Variants in CEP85L observed in about 807,000 individuals in gnomAD.
CEP85L encodes centrosomal protein 85L.
In CEP85L, 60 loss-of-function variants were observed where a neutral mutation model predicts 100.3. The ratio of observed to expected loss-of-function variants is 0.60; its 90% CI spans 0.49 to 0.74. The LOEUF is 0.74. Among genes scored for constraint, CEP85L ranks in the 30% least tolerant of loss-of-function variants. The pLI, the probability that CEP85L is intolerant of heterozygous loss-of-function variation, is 0.00. For missense variants in CEP85L, 973 were observed against 936.2 expected (o/e 1.04, Z -0.51); for synonymous variants, 319 against 322.7 (o/e 0.99, Z 0.12).
At chr6:118,628,168 T>C (rs1465156386) in intron 2 of CEP85L, among the ~76,000 whole-genome samples, 2 of 151,886 alleles carry the variant, frequency 1.3e-5, no homozygotes, top group Non-Finnish European at 2.9e-5. Flanking sequence ...CAAGGCATAC[T>C]GTAAGACAAA....
intron 5 of CEP85L, among the ~76,000 whole-genome samples, chr6:118,504,831 C>T (rs1775538923): frequency 6.6e-6 from 1 of 152,134 alleles, no homozygotes; most frequent in Admixed American, 6.5e-5. Context: ...GACAGACACC[C>T]AGATGGTGTC....
chr6:118,562,362 A>T (rs185817461), intron 3 of CEP85L, among the ~76,000 whole-genome samples: 1 of 147,944 alleles, frequency 6.8e-6, no homozygotes, highest in Non-Finnish European at 1.5e-5. Context: ...CATTTTATCA[A>T]TTTTTTTTTT....
At chr6:118,544,982 C>A (rs1160001536) in intron 3 of CEP85L, among the ~76,000 whole-genome samples, 1 of 152,110 alleles carries the variant, frequency 6.6e-6, no homozygotes, top group Non-Finnish European at 1.5e-5. Flanking sequence ...AATTATCAAA[C>A]CCTCAAGTAC....
chr6:118,636,633 C>T (rs1267552511), intron 1 of CEP85L, among the ~76,000 whole-genome samples: 2 of 149,180 alleles, frequency 1.3e-5, no homozygotes, highest in African/African-American at 2.6e-5. Context: ...TGTGGGTGGG[C>T]TTCACTGAAC....
intron 2 of CEP85L, among the ~76,000 whole-genome samples, chr6:118,585,735 C>A (rs1456054948): frequency 1.3e-5 from 2 of 152,162 alleles, no homozygotes; most frequent in African/African-American, 4.8e-5. Context: ...AAAGAACTTA[C>A]TAAAAACAAT....
At chr6:118,532,453 C>G (rs1777350713) in intron 3 of CEP85L, among the ~76,000 whole-genome samples, 3 of 152,010 alleles carry the variant, frequency 2.0e-5, no homozygotes, top group Admixed American at 2.0e-4. Flanking sequence ...TACACTAAAC[C>G]CCAGTGACAT....
chr6:118,511,690 A>T lies in CEP85L; in HGVS notation c.1140-275T>A, dbSNP rs117950443. 4.7e-3 allele frequency among the ~76,000 whole-genome samples: 717 copies of T among 152,284 alleles called. 5 individuals carry two copies. The highest frequency in any genetic ancestry group is 6.8e-3 in the Middle Eastern group (2 of 294). The stretch of plus-strand genomic sequence containing the variant: ...CATCTTCAAAAATTTATTAACTCTC[A>T]TGATGAAGTTTTGAAGGAGAGAGCT... On this transcript the variant is annotated intron_variant, in intron 4 of 12. Coordinates refer to ENST00000368491, the MANE Select transcript of CEP85L (RefSeq NM_001042475.3).
chr6:118,698,553 G>C (rs1302080495), intron 1 of CEP85L, among the ~76,000 whole-genome samples: 2 of 151,038 alleles, frequency 1.3e-5, no homozygotes, highest in African/African-American at 4.9e-5. Context: ...AAAAAAAAAG[G>C]ATTGTCCAGA....
chr6:118,672,434 C>T (rs75812099), intron 1 of CEP85L, among the ~76,000 whole-genome samples: 7,108 of 152,038 alleles, frequency 0.047, 202 homozygotes, highest in Admixed American at 0.061. Flanking sequence ...CTGTTATGGA[C>T]GATATAAAGA....
Position 118,535,724 on chromosome 6 carries a change from C to T in CEP85L, c.1021-11804G>A, listed in dbSNP as rs1320878928. Among the ~76,000 whole-genome samples, 7 of 152,260 alleles carry T rather than the reference C, an allele frequency of 4.6e-5. No individual in the cohort carries two copies. In the South Asian group the frequency reaches 1.0e-3, roughly 23 times the overall value. ...TGGTTAAAGGACCAACTCTCAGTAT[C>T]GCAGTATTTGTGTTCCAGTAATCCT... On this transcript the variant is annotated intron_variant, in intron 3 of 12. Transcript: ENST00000368491.
intron 3 of CEP85L, among the ~76,000 whole-genome samples, chr6:118,555,943 C>T (rs1001771767): frequency 6.6e-6 from 1 of 152,164 alleles, no homozygotes; most frequent in Non-Finnish European, 1.5e-5. Context: ...GGGATAATGA[C>T]CTCCAGCTCC....
rs1442763065 is a variant in CEP85L, at chr6:118,461,007, T to C, written c.*4398A>G. ...AGATCAGAAGGCATAAGCCAACCAG[T>C]GGCTTCACATTCTTTTTTTTTTTTT... is the stretch of plus-strand genomic sequence containing the variant. On this transcript the variant is annotated 3_prime_UTR_variant, in exon 13 of 13. Transcript: ENST00000368491. 1 of 151,504 alleles carries C rather than the reference T, an allele frequency of 6.6e-6. No homozygotes were observed. The highest frequency in any genetic ancestry group is 2.4e-5 in the African/African-American group (1 of 41,298). 9.4% of individuals were successfully genotyped at this position (151,504 alleles called of 1,614,324 possible). A position where few individuals can be genotyped will look rare whatever the true frequency, so the allele number is the denominator to read the frequency against.
chr6:118,538,741 G>A (rs1562241799), intron 3 of CEP85L, among the ~76,000 whole-genome samples: 1 of 151,928 alleles, frequency 6.6e-6, no homozygotes, highest in Non-Finnish European at 1.5e-5. Flanking sequence ...AACAAATGAA[G>A]CTTAAGTATT....
chr6:118,486,459 G>A (rs1000805542), intron 6 of CEP85L, among the ~76,000 whole-genome samples: 2 of 152,112 alleles, frequency 1.3e-5, no homozygotes, highest in Admixed American at 6.5e-5. Flanking sequence ...GAACTCAAAG[G>A]TAACATTATT....
At chr6:118,523,324 C>T (rs1776771860) in intron 4 of CEP85L, among the ~76,000 whole-genome samples, 1 of 152,058 alleles carries the variant, frequency 6.6e-6, no homozygotes, top group African/African-American at 2.4e-5. Context: ...CATTTTAGAA[C>T]GTCCCCCAAA....
intron 3 of CEP85L, chr6:118,559,551 T>C (rs982133014): frequency 2.1e-5 from 4 of 189,752 alleles, no homozygotes; most frequent in Admixed American, 1.6e-4. Flanking sequence ...TGAAGTGTCA[T>C]TATTCAAAAT....
At chr6:118,680,492 T>C (rs774158389) in intron 1 of CEP85L, among the ~76,000 whole-genome samples, 94 of 152,128 alleles carry the variant, frequency 6.2e-4, no homozygotes, top group Non-Finnish European at 3.5e-4. Flanking sequence ...AGGACTGACA[T>C]GTGTACTCAG....
intron 1 of CEP85L, among the ~76,000 whole-genome samples, chr6:118,646,106 A>G (rs1775169123): frequency 6.6e-6 from 1 of 152,192 alleles, no homozygotes; most frequent in African/African-American, 2.4e-5. Flanking sequence ...AGTCCCAGCT[A>G]CTCGGGAGGC....
At chr6:118,524,474 A>C (rs1210757520) in intron 3 of CEP85L, among the ~76,000 whole-genome samples, 1 of 152,162 alleles carries the variant, frequency 6.6e-6, no homozygotes, top group East Asian at 1.9e-4. Context: ...AAACCATATA[A>C]GATCTTATTC....
Sources: gnomAD v4.1 joint callset for allele counts (sites outside exome capture counted in the v4.1 genomes callset) on GRCh38, gnomAD v4.1.1 for gene constraint, MANE v1.5 for transcripts, NCBI Gene and HGNC (gene_info 2026-07-23, HGNC 2026-07-21) for gene names.